Variants in FGF14 observed in about 807,000 individuals in gnomAD.
FGF14 encodes fibroblast growth factor homologous factor 4.
In FGF14, 5 loss-of-function variants were observed where a neutral mutation model predicts 25.5. That is an observed-to-expected ratio of 0.20 (90% confidence interval 0.10 to 0.41). FGF14 has a LOEUF of 0.41. FGF14 is among the 10% of genes least tolerant of loss of function. The pLI is 1.00. For synonymous variants in FGF14, 138 were observed against 118.3 expected (o/e 1.17, Z -1.08); for missense variants, 222 against 320.1 (o/e 0.69, Z 2.34).
At chr13:101,856,421 T>G (rs1366456718) in intron 3 of FGF14, among the ~76,000 whole-genome samples, 4 of 151,938 alleles carry the variant, frequency 2.6e-5, no homozygotes, top group Non-Finnish European at 5.9e-5. Context: ...TTTTATTCAA[T>G]AATTACTACT....
chr13:102,276,835 A>T (rs1230549779), intron 1 of FGF14, among the ~76,000 whole-genome samples: 1 of 152,216 alleles, frequency 6.6e-6, no homozygotes, highest in African/African-American at 2.4e-5. Context: ...GTTAGAGATT[A>T]TGAGGCCTCA....
chr13:101,926,599 T>A (rs2034383223), intron 1 of FGF14, among the ~76,000 whole-genome samples: 1 of 152,222 alleles, frequency 6.6e-6, no homozygotes, highest in Non-Finnish European at 1.5e-5. Flanking sequence ...CATAAATCCA[T>A]GAAGAATTTA....
intron 1 of FGF14, among the ~76,000 whole-genome samples, chr13:102,052,890 T>C (rs1229297069): frequency 6.6e-6 from 1 of 152,132 alleles, no homozygotes; most frequent in Non-Finnish European, 1.5e-5. Flanking sequence ...ACTCTAATAC[T>C]GTAATAGTGG....
At chr13:102,130,798 T>A (rs2046164246) in intron 1 of FGF14, among the ~76,000 whole-genome samples, 1 of 152,152 alleles carries the variant, frequency 6.6e-6, no homozygotes, top group African/African-American at 2.4e-5. Context: ...GCATGGTATA[T>A]TTAAGCTTCT....
At chr13:102,338,069 G>T (rs1456609470) in intron 1 of FGF14, among the ~76,000 whole-genome samples, 1 of 151,736 alleles carries the variant, frequency 6.6e-6, no homozygotes, top group East Asian at 1.9e-4. Flanking sequence ...TGAAAAACAT[G>T]GTAATATTTT....
chr13:101,740,861 T>C (rs2036507641), intron 3 of FGF14, among the ~76,000 whole-genome samples: 1 of 152,210 alleles, frequency 6.6e-6, no homozygotes, highest in Non-Finnish European at 1.5e-5. Context: ...GAAATCTTCA[T>C]GCATTCCTAT....
At chr13:102,088,879 T>C (rs1243832876) in intron 1 of FGF14, among the ~76,000 whole-genome samples, 4 of 152,140 alleles carry the variant, frequency 2.6e-5, no homozygotes, top group South Asian at 2.1e-4. Context: ...ATCCTGAAAG[T>C]TACCGTATAA....
intron 3 of FGF14, among the ~76,000 whole-genome samples, chr13:101,865,787 T>C (rs534866261): frequency 6.6e-6 from 1 of 152,284 alleles, no homozygotes; most frequent in African/African-American, 2.4e-5. Context: ...CTGAGTATTT[T>C]ATTGACTACT....
intron 1 of FGF14, chr13:102,394,836 T>C (rs1475361140): frequency 6.6e-6 from 1 of 152,402 alleles, no homozygotes; most frequent in Non-Finnish European, 1.5e-5. Flanking sequence ...ACCGAGGGGT[T>C]CCACGCCTGG....
chr13:102,057,066 ATG>A (rs2042465353), intron 1 of FGF14, among the ~76,000 whole-genome samples: 1 of 151,970 alleles, frequency 6.6e-6, no homozygotes, highest in Non-Finnish European at 1.5e-5. Context: ...AATATGGTTT[ATG>A]TGACTTTTTA....
intron 1 of FGF14, among the ~76,000 whole-genome samples, chr13:101,966,792 T>C (rs2037231487): frequency 6.6e-6 from 1 of 152,150 alleles, no homozygotes; most frequent in South Asian, 2.1e-4. Flanking sequence ...AATCATTGTG[T>C]TTAAACCACT....
At chr13:101,788,931 G>T (rs1415592768) in intron 3 of FGF14, among the ~76,000 whole-genome samples, 2 of 46,100 alleles carry the variant, frequency 4.3e-5, no homozygotes, top group African/African-American at 5.4e-5. Flanking sequence ...GAGAGAGAGA[G>T]AGAGAGAGAG....
intron 1 of FGF14, among the ~76,000 whole-genome samples, chr13:101,882,085 G>A (rs2045739766): frequency 6.6e-6 from 1 of 151,622 alleles, no homozygotes; most frequent in Admixed American, 6.6e-5. Flanking sequence ...TTTAACTGTA[G>A]ATACAGTATT....
chr13:101,859,155 A>C (rs1358643946), intron 3 of FGF14, among the ~76,000 whole-genome samples: 3 of 152,178 alleles, frequency 2.0e-5, no homozygotes, highest in African/African-American at 7.2e-5. Context: ...AGTACATTTC[A>C]TGAACATGAA....
At chr13:101,944,506 T>G (rs2035680620) in intron 1 of FGF14, among the ~76,000 whole-genome samples, 1 of 152,192 alleles carries the variant, frequency 6.6e-6, no homozygotes, top group African/African-American at 2.4e-5. Flanking sequence ...GGGTCATAGT[T>G]TGCCAATCCC....
chr13:101,763,824 C>T (rs1031983793), intron 3 of FGF14, among the ~76,000 whole-genome samples: 1 of 152,114 alleles, frequency 6.6e-6, no homozygotes, highest in Non-Finnish European at 1.5e-5. Flanking sequence ...TGCACCACTG[C>T]ACTCCAGCCT....
chr13:102,325,680 A>G (rs1174840021), intron 1 of FGF14, among the ~76,000 whole-genome samples: 1 of 152,138 alleles, frequency 6.6e-6, no homozygotes, highest in East Asian at 1.9e-4. Flanking sequence ...CCAGTTACCT[A>G]AGCTTTATTT....
At position 101,916,491 on chromosome 13, in the gene FGF14, C is replaced by T; in HGVS notation, c.155G>A (p.Arg52His). Reference protein sequence around the residue: ...GNLVDIFSKVRIFGLKKRRLR... With the variant: ...GNLVDIFSKVHIFGLKKRRLR... ...CCTGCGCTTCTTGAGGCCGAAGATG[C>T]GCACTTTGGAGAAGATATCCACCAG... is the stretch of plus-strand genomic sequence containing the variant. Residue 52 changes from arginine (R) to histidine (H), a missense_variant, in exon 1 of 5, where the codon CGC becomes CAC. Around this residue, in one of 5 missense-constraint regions of FGF14, gnomAD observed 80 missense variants for 72.2 expected, o/e 1.11. Coordinates refer to ENST00000376143, the MANE Select transcript of FGF14 (RefSeq NM_004115.4). The T allele has an allele frequency of 6.2e-7, 1 of 1,613,954 alleles. No homozygotes were observed. The highest frequency in any genetic ancestry group is 8.5e-7 in the Non-Finnish European group (1 of 1,179,930).
At chr13:102,326,670 GA>G (rs2056438298) in intron 1 of FGF14, among the ~76,000 whole-genome samples, 1 of 63,598 alleles carries the variant, frequency 1.6e-5, no homozygotes, top group Non-Finnish European at 3.0e-5. Context: ...GAAGGGAGGG[GA>G]AGGGAAGGGA....
Sources: gnomAD v4.1 joint callset for allele counts (sites outside exome capture counted in the v4.1 genomes callset) on GRCh38, gnomAD v4.1.1 for gene constraint, gnomAD v4.1.1 regional missense constraint, MANE v1.5 for transcripts, NCBI Gene and HGNC (gene_info 2026-07-23, HGNC 2026-07-21) for gene names.